AFG1L: variants seen among roughly 807,000 people sequenced by gnomAD.
AFG1L encodes AFG1 like ATPase.
Under a neutral mutation model 62.2 loss-of-function variants are expected in AFG1L, and 53 were observed. The ratio of observed to expected loss-of-function variants is 0.85; its 90% CI spans 0.68 to 1.07. The LOEUF is 1.07. AFG1L is among the 50% of genes least tolerant of loss of function. AFG1L has a pLI of 0.00. For missense variants in AFG1L, 555 were observed against 590.5 expected, an observed-to-expected ratio of 0.94 and a Z score of 0.62; for synonymous variants, 228 against 210.3, an observed-to-expected ratio of 1.08 and a Z score of -0.73.
intron 2 of AFG1L, among the ~76,000 whole-genome samples, chr6:108,342,869 A>G (rs1218001400): frequency 6.6e-6 from 1 of 152,030 alleles, no homozygotes; most frequent in Non-Finnish European, 1.5e-5. Flanking sequence ...GGTATTTGTG[A>G]TCTTAGACGT....
chr6:108,399,769 C>CT (rs757924406), intron 6 of AFG1L, among the ~76,000 whole-genome samples: 1,402 of 42,680 alleles, frequency 0.033, 396 homozygotes, highest in Non-Finnish European at 0.043. Context: ...AAGTATCTCT[C>CT]TTTTTTTTTT....
At chr6:108,328,479 C>T (rs911412014) in intron 2 of AFG1L, among the ~76,000 whole-genome samples, 10 of 152,124 alleles carry the variant, frequency 6.6e-5, no homozygotes, top group Admixed American at 4.6e-4. Flanking sequence ...ACTGCGGCCT[C>T]GACCTCCCGG....
chr6:108,363,104 T>A (rs973820063), intron 5 of AFG1L, among the ~76,000 whole-genome samples: 1 of 152,156 alleles, frequency 6.6e-6, no homozygotes, highest in African/African-American at 2.4e-5. Context: ...ATGGATATAC[T>A]CCTTTTTTGT....
chr6:108,313,500 C>G (rs528730027), intron 1 of AFG1L, among the ~76,000 whole-genome samples: 1 of 152,254 alleles, frequency 6.6e-6, no homozygotes, highest in South Asian at 2.1e-4. Flanking sequence ...ACAATGCTAA[C>G]TCCCTGGCCC....
intron 6 of AFG1L, chr6:108,392,269 T>G (rs1781088995): frequency 6.6e-6 from 1 of 152,184 alleles, no homozygotes; most frequent in Non-Finnish European, 1.5e-5. Flanking sequence ...GTGGCAGAGA[T>G]AGTGATACCT....
chr6:108,378,522 T>C (rs1367850419), intron 6 of AFG1L, among the ~76,000 whole-genome samples: 4 of 152,164 alleles, frequency 2.6e-5, no homozygotes. Context: ...TTTCACCATA[T>C]TGGCCAGGCT....
At chr6:108,509,981 G>A (rs1259132481) in intron 10 of AFG1L, among the ~76,000 whole-genome samples, 9 of 152,086 alleles carry the variant, frequency 5.9e-5, no homozygotes, top group Non-Finnish European at 8.8e-5. Context: ...AAGCTCACTC[G>A]TTATGCATGG....
intron 8 of AFG1L, among the ~76,000 whole-genome samples, chr6:108,476,155 T>C (rs539787381): frequency 6.6e-6 from 1 of 152,196 alleles, no homozygotes; most frequent in African/African-American, 2.4e-5. Flanking sequence ...TAGCATCATC[T>C]CATTTATATA....
At chr6:108,321,908 G>T (rs1777824534) in intron 1 of AFG1L, among the ~76,000 whole-genome samples, 1 of 152,128 alleles carries the variant, frequency 6.6e-6, no homozygotes. Flanking sequence ...TGGAGAGAGA[G>T]TCTCACTCTG....
intron 6 of AFG1L, among the ~76,000 whole-genome samples, chr6:108,400,851 ATATATATAATATATAAAATATATATT>A (rs1562135054): frequency 7.9e-6 from 1 of 126,108 alleles, no homozygotes; most frequent in African/African-American, 3.2e-5. Flanking sequence ...TATAATGCAA[ATATATATAATATATAAAATATATATT>A]TATATATAAT....
At chr6:108,491,005 A>G (rs1773756813) in intron 10 of AFG1L, among the ~76,000 whole-genome samples, 1 of 152,216 alleles carries the variant, frequency 6.6e-6, no homozygotes, top group Non-Finnish European at 1.5e-5. Flanking sequence ...AGCAGATGAA[A>G]TAAGCTTTAA....
At chr6:108,383,464 A>G (rs1487645287) in intron 6 of AFG1L, among the ~76,000 whole-genome samples, 2 of 152,160 alleles carry the variant, frequency 1.3e-5, no homozygotes, top group Non-Finnish European at 2.9e-5. Context: ...AGCAAAATGA[A>G]ATAGAAAGAG....
chr6:108,438,018 T>C (rs1771385768), intron 7 of AFG1L, among the ~76,000 whole-genome samples: 1 of 152,336 alleles, frequency 6.6e-6, no homozygotes, highest in Admixed American at 6.5e-5. Context: ...AAGAGTCAGA[T>C]TGTGACTCAC....
chr6:108,361,319 A>G (rs1042226638), intron 5 of AFG1L, among the ~76,000 whole-genome samples: 1 of 152,228 alleles, frequency 6.6e-6, no homozygotes, highest in Admixed American at 6.5e-5. Flanking sequence ...GTGCAAATCA[A>G]TACACCACTA....
intron 10 of AFG1L, among the ~76,000 whole-genome samples, chr6:108,497,657 C>T (rs1774025419): frequency 6.6e-6 from 1 of 151,508 alleles, no homozygotes; most frequent in African/African-American, 2.4e-5. Context: ...TTATATTACA[C>T]CATAAAAATT....
intron 6 of AFG1L, among the ~76,000 whole-genome samples, chr6:108,384,758 A>T (rs1780691733): frequency 6.6e-6 from 1 of 152,172 alleles, no homozygotes; most frequent in Non-Finnish European, 1.5e-5. Flanking sequence ...AACTGAAATC[A>T]TAAAAAATTT....
intron 7 of AFG1L, among the ~76,000 whole-genome samples, chr6:108,427,508 C>G (rs897876818): frequency 6.8e-6 from 1 of 146,592 alleles, no homozygotes; most frequent in African/African-American, 2.5e-5. Flanking sequence ...TTAGATTTCT[C>G]AAAATGGAAT....
chr6:108,414,514 A>T (rs554393809), intron 7 of AFG1L, among the ~76,000 whole-genome samples: 6 of 152,254 alleles, frequency 3.9e-5, no homozygotes, highest in East Asian at 3.9e-4. Flanking sequence ...TCGATGCAAA[A>T]CTCCTCAATA....
chr6:108,439,490 G>A (rs180994512), intron 7 of AFG1L, among the ~76,000 whole-genome samples: 56 of 152,132 alleles, frequency 3.7e-4, no homozygotes, highest in Middle Eastern at 3.4e-3. Flanking sequence ...TCTCACAGAC[G>A]TAAAAGAACC....
Sources: allele counts gnomAD v4.1 joint callset (sites outside exome capture counted in the v4.1 genomes callset), GRCh38; gene constraint gnomAD v4.1.1; transcripts MANE v1.5; gene names NCBI Gene and HGNC (gene_info 2026-07-23, HGNC 2026-07-21).